TUT7: variants seen among roughly 807,000 people sequenced by gnomAD.
TUT7 encodes terminal uridylyl transferase 7, also known as terminal uridylyltransferase 7.
A neutral mutation model predicts 165.9 loss-of-function variants in TUT7; 33 were observed. The ratio of observed to expected loss-of-function variants is 0.20; its 90% confidence interval spans 0.15 to 0.27. The LOEUF is 0.27. Ranked by LOEUF, TUT7 falls within the 10% of genes least tolerant of loss-of-function variation. The pLI is 1.00. For missense variants in TUT7, 1,338 were observed against 1,762.3 expected, an observed-to-expected ratio of 0.76 and a Z score of 4.31; for synonymous variants, 552 against 608.1, an observed-to-expected ratio of 0.91 and a Z score of 1.36.
intron 26 of TUT7, among the ~76,000 whole-genome samples, chr9:86,296,855 C>T (rs997134893): frequency 1.3e-5 from 2 of 152,164 alleles, no homozygotes; most frequent in African/African-American, 4.8e-5. Flanking sequence ...ACATTTATAA[C>T]AACATAGATA....
At chr9:86,328,535 C>T (rs1289900819) in intron 10 of TUT7, 43 bp from the exon 11 acceptor site, 1 of 1,532,684 alleles carries the variant, frequency 6.5e-7, no homozygotes, top group Non-Finnish European at 8.8e-7. Flanking sequence ...TAGAAATAAT[C>T]TTATATCAAA....
At chr9:86,292,569 T>C (rs1272915471) in intron 26 of TUT7, among the ~76,000 whole-genome samples, 3 of 149,206 alleles carry the variant, frequency 2.0e-5, no homozygotes, top group African/African-American at 7.4e-5. Flanking sequence ...GTGATGGTAC[T>C]CAAGGCACTT....
intron 21 of TUT7, 66 bp downstream of exon 21, chr9:86,309,146 C>G: frequency 3.1e-6 from 3 of 968,334 alleles, no homozygotes; most frequent in Non-Finnish European, 4.8e-6. Flanking sequence ...TGTTGAACAT[C>G]TACACTGTAG....
At chr9:86,291,904 A>G (rs1357206505) in intron 26 of TUT7, among the ~76,000 whole-genome samples, 3 of 152,248 alleles carry the variant, frequency 2.0e-5, no homozygotes, top group Non-Finnish European at 2.9e-5. Flanking sequence ...GATGTTCACT[A>G]TAGCACTGTT....
In TUT7 at chr9:86,308,425, G is replaced by A. The variant is rs376547825; in HGVS notation, c.3838+4C>T. ...TTCGACTTCAAGTTTAATTTTATTCGTACCTTCAATAACAATGTATTTTGA... is the reference window on the plus strand; with the variant it reads ...TTCGACTTCAAGTTTAATTTTATTCATACCTTCAATAACAATGTATTTTGA... On this transcript the variant is annotated splice_donor_region_variant and intron_variant, in intron 22 of 26. Coordinates refer to ENST00000375963, the MANE Select transcript of TUT7 (RefSeq NM_024617.4). 68 of 1,608,132 alleles carry A rather than the reference G, an allele frequency of 4.2e-5. No individual in the cohort carries two copies. The highest frequency in any genetic ancestry group is 1.6e-4 in the South Asian group (14 of 90,240).
chr9:86,296,299 G>C (rs1290030768), intron 26 of TUT7, among the ~76,000 whole-genome samples: 1 of 152,200 alleles, frequency 6.6e-6, no homozygotes, highest in African/African-American at 2.4e-5. Flanking sequence ...AAATGGTTGG[G>C]CTGGATTTCA....
At chr9:86,337,320 G>A (rs1402936804) in intron 10 of TUT7, 99 bp downstream of exon 10, 10 of 1,277,254 alleles carry the variant, frequency 7.8e-6, no homozygotes, top group Non-Finnish European at 1.1e-5. Flanking sequence ...ATCCATGTCA[G>A]TTCTGGTTAG....
chr9:86,339,008 T>C (rs1452793015), intron 8 of TUT7, 59 bp from the exon 9 acceptor site: 1 of 1,401,736 alleles, frequency 7.1e-7, no homozygotes, highest in Admixed American at 2.6e-5. Flanking sequence ...GTTACACAGG[T>C]CTCAAAGTGT....
chr9:86,343,152 T>G lies in TUT7; in HGVS notation c.1009A>C (p.Arg337=). The part of the protein sequence containing the change: ...FQHKLPDCSL[R]LYGSSCSRLG... ...CTGCTACAGGATGACCCATATAATC[T>G]TAGGGAACAATCTAAAAAATAAATA... is the stretch of plus-strand genomic sequence containing the variant. Residue 337 remains arginine, a synonymous_variant, in exon 6 of 27, where the codon AGA becomes CGA. Coordinates refer to ENST00000375963, the MANE Select transcript of TUT7 (RefSeq NM_024617.4). 6.4e-7 allele frequency: 1 copy of G among 1,552,488 alleles called. No individual in the cohort carries two copies. The highest frequency in any genetic ancestry group is 1.4e-5 in the African/African-American group (1 of 72,430).
chr9:86,325,513 A>T lies in TUT7; in HGVS notation c.1610T>A (p.Val537Glu). The T allele has an allele frequency of 6.2e-7, 1 of 1,609,746 alleles. No individual in the cohort carries two copies. The part of the protein sequence containing the change: ...PRETPIKRGQ[V>E]SLILDVKHQP... ...GTGTTTCACATCCAATATTAATGAC[A>T]CCTATTAATAGCAAAGAGAAACATA... is the stretch of plus-strand genomic sequence containing the variant. Residue 537 changes from valine (V) to glutamate (E), a missense_variant and splice_region_variant, in exon 12 of 27, where the codon GTG (valine) becomes GAG (glutamate). Coordinates refer to ENST00000375963, the MANE Select transcript of TUT7 (RefSeq NM_024617.4).
At chr9:86,296,461 C>T (rs139492885) in intron 26 of TUT7, among the ~76,000 whole-genome samples, 4 of 152,230 alleles carry the variant, frequency 2.6e-5, no homozygotes, top group Admixed American at 2.6e-4. Flanking sequence ...GAGGTAACAA[C>T]GAAGAGCAAG....
chr9:86,301,396 T>G lies in TUT7; in HGVS notation c.4300A>C (p.Arg1434=). The G allele has an allele frequency of 6.2e-7, 1 of 1,614,184 alleles. No homozygotes were observed. Among genetic ancestry groups the G allele is most frequent in the South Asian group, 1.1e-5 (1 of 91,084 alleles). The change falls in exon 26 of 27, where the codon AGG becomes CGG. Residue 1434 remains arginine, a synonymous_variant. Coordinates refer to ENST00000375963, the MANE Select transcript of TUT7 (RefSeq NM_024617.4). ...CTCTTCCATTTTTCTACTGGTGGCC[T>G]GAGGATCTTCTCCCTCCCCAGGTCA... ...AADLGREKIL[R]PPVEKWKRQD... is the part of the protein sequence containing the mutation.
At chr9:86,351,204 G>A (rs1832272615) in intron 2 of TUT7, among the ~76,000 whole-genome samples, 1 of 151,966 alleles carries the variant, frequency 6.6e-6, no homozygotes, top group Admixed American at 6.6e-5. Context: ...GGGAGGCCAA[G>A]GTGGGTGGAT....
chr9:86,337,646 G>T, intron 9 of TUT7, 108 bp from the exon 10 acceptor site: 1 of 1,306,888 alleles, frequency 7.7e-7, no homozygotes, highest in Non-Finnish European at 1.0e-6. Flanking sequence ...CATGATTTAC[G>T]GTAATTCTTC....
intron 17 of TUT7, 94 bp downstream of exon 17, chr9:86,317,125 C>T: frequency 9.3e-7 from 1 of 1,081,058 alleles, no homozygotes; most frequent in South Asian, 1.3e-5. Flanking sequence ...GATGGGTGGG[C>T]CTGGAACAAA....
At chr9:86,293,270 C>T (rs1040745153) in intron 26 of TUT7, among the ~76,000 whole-genome samples, 8 of 151,962 alleles carry the variant, frequency 5.3e-5, no homozygotes, top group Non-Finnish European at 1.2e-4. Context: ...GGCAACATGG[C>T]GAGACCCTGT....
At chr9:86,332,642 C>T (rs1004197004) in intron 10 of TUT7, among the ~76,000 whole-genome samples, 1 of 152,090 alleles carries the variant, frequency 6.6e-6, no homozygotes, top group East Asian at 1.9e-4. Flanking sequence ...CCAATAAACC[C>T]GTGACATGAG....
chr9:86,314,725 T>G (rs1564052533), intron 17 of TUT7, among the ~76,000 whole-genome samples: 1 of 152,304 alleles, frequency 6.6e-6, no homozygotes, highest in East Asian at 1.9e-4. Context: ...CCTAAAAACC[T>G]TATGTTATGC....
At chr9:86,317,297 A>C in intron 16 of TUT7, 21 bp from the exon 17 acceptor site, 1 of 1,608,084 alleles carries the variant, frequency 6.2e-7, no homozygotes, top group Non-Finnish European at 8.5e-7. Flanking sequence ...GAAGGCATAA[A>C]GAACTTAACC....
Sources: allele counts gnomAD v4.1 joint callset (sites outside exome capture counted in the v4.1 genomes callset), GRCh38; gene constraint gnomAD v4.1.1; transcripts MANE v1.5; gene names NCBI Gene and HGNC (gene_info 2026-07-23, HGNC 2026-07-21).